Variants in OSBPL2 observed in about 807,000 individuals in gnomAD.
The protein encoded by OSBPL2 is oxysterol binding protein like 2.
OSBPL2 carries 18 observed loss-of-function variants against 58.4 expected under a neutral mutation model. That is an observed-to-expected ratio of 0.31 (90% confidence interval 0.21 to 0.46). The LOEUF (loss-of-function observed/expected upper bound fraction) is 0.46, where lower values mean the gene tolerates loss of function less well. OSBPL2 is among the 20% of genes least tolerant of loss of function. The pLI is 1.00. For missense variants in OSBPL2, 461 were observed against 616.5 expected, an observed-to-expected ratio of 0.75 and a Z score of 2.67; for synonymous variants, 221 against 234.1, an observed-to-expected ratio of 0.94 and a Z score of 0.51.
At position 62,296,081 on chromosome 20, in the gene OSBPL2, T is replaced by TA. The variant is rs961524719; in HGVS notation, c.*2195dup. On this transcript the variant is annotated 3_prime_UTR_variant, in exon 14 of 14. Transcript: ENST00000313733. ...ATTTTAACTTTTTACTACTTTTTGT[T>TA]ACTGTTTCTGCAAATGCTAACACAT... 2 of 152,268 alleles carry TA rather than the reference T, an allele frequency of 1.3e-5. No individual in the cohort carries two copies. Among genetic ancestry groups the TA allele is most frequent in the African/African-American group, 4.8e-5 (2 of 41,472 alleles). The allele number at this position is 152,268 out of a possible 1,614,324, so 9.4% of individuals were successfully genotyped here.
chr20:62,281,688 C>A (rs758066298), intron 8 of OSBPL2, 102 bp from the exon 9 acceptor site: 5 of 806,290 alleles, frequency 6.2e-6, no homozygotes, highest in Non-Finnish European at 1.1e-5. Context: ...AGTCACCCCC[C>A]GCCTGCCCCA....
chr20:62,281,710 C>T (rs184867838), intron 8 of OSBPL2, 80 bp from the exon 9 acceptor site: 71 of 1,059,476 alleles, frequency 6.7e-5, no homozygotes, highest in East Asian at 1.2e-4. Context: ...GGGCCTCCAC[C>T]GCGCTTCTCC....
At chr20:62,260,192 T>C in intron 3 of OSBPL2, 67 bp downstream of exon 3, 1 of 1,480,456 alleles carries the variant, frequency 6.8e-7, no homozygotes, top group Non-Finnish European at 9.3e-7. Context: ...CTCTGCAGGG[T>C]ACCCCTCAGC....
rs1197026074 is a variant in OSBPL2, at chr20:62,269,800, C to T, written c.259-2325C>T. On this transcript the variant is annotated intron_variant, in intron 4 of 13. Transcript: ENST00000313733. This position sits in a 1 kb window ranked among gnomAD's most constrained non-coding sequence, Gnocchi z 4.2. ...AGCTCTGATCACAAGGGTCACCTCT[C>T]TTCCTGCTTTCCTCGGCAGCCACAT... 6.6e-6 allele frequency among the ~76,000 whole-genome samples: 1 copy of T among 152,266 alleles called. No homozygotes were observed. Among genetic ancestry groups the T allele is most frequent in the African/African-American group, 2.4e-5 (1 of 41,468 alleles).
chr20:62,291,661 C>G (rs369432454), intron 12 of OSBPL2, 42 bp from the exon 13 acceptor site: 22 of 1,569,560 alleles, frequency 1.4e-5, no homozygotes, highest in Non-Finnish European at 1.8e-5. Context: ...GGGTGCGGTT[C>G]TAAGGTCTCT....
intron 3 of OSBPL2, among the ~76,000 whole-genome samples, chr20:62,260,894 TC>T (rs1601165793): frequency 1.3e-5 from 2 of 151,360 alleles, no homozygotes; most frequent in East Asian, 3.9e-4. Flanking sequence ...GGAGGCTGAG[TC>T]AGGAGGATCC....
intron 7 of OSBPL2, among the ~76,000 whole-genome samples, chr20:62,280,667 G>A (rs2282215): frequency 0.4 from 60,748 of 152,062 alleles, 13,018 homozygotes; most frequent in East Asian, 0.53. Flanking sequence ...TGAAAACCCT[G>A]CACCCCTCCA....
At chr20:62,283,840 C>T (rs1010161281) in intron 9 of OSBPL2, among the ~76,000 whole-genome samples, 5 of 152,060 alleles carry the variant, frequency 3.3e-5, no homozygotes, top group Non-Finnish European at 5.9e-5. Flanking sequence ...TTTAGGTTTC[C>T]GGCCCTTCAT....
chr20:62,272,619 G>T (rs1369205620), intron 5 of OSBPL2, among the ~76,000 whole-genome samples: 4 of 152,124 alleles, frequency 2.6e-5, no homozygotes, highest in Admixed American at 1.3e-4. Flanking sequence ...TGTGGGCTGG[G>T]CACGCACGGT....
At chr20:62,271,257 C>T (rs1475412872) in intron 4 of OSBPL2, among the ~76,000 whole-genome samples, 2 of 8,164 alleles carry the variant, frequency 2.4e-4, no homozygotes, top group Non-Finnish European at 1.3e-3. Flanking sequence ...CTAAGCCATG[C>T]GCCCTGCCGT....
At chr20:62,283,712 C>T (rs1037780849) in intron 9 of OSBPL2, among the ~76,000 whole-genome samples, 1 of 152,032 alleles carries the variant, frequency 6.6e-6, no homozygotes, top group East Asian at 1.9e-4. Flanking sequence ...CCTGCAGCCC[C>T]CTGGACCAAC....
intron 1 of OSBPL2, among the ~76,000 whole-genome samples, 188 bp downstream of exon 1, chr20:62,238,785 C>T (rs1034626569): frequency 1.3e-5 from 2 of 151,680 alleles, no homozygotes; most frequent in Non-Finnish European, 2.9e-5. Context: ...CGCGCCCGGC[C>T]TAGGCCGCAG....
Position 62,269,148 on chromosome 20 carries a change from C to T in OSBPL2, c.259-2977C>T, listed in dbSNP as rs137969648. Among the ~76,000 whole-genome samples the T allele has an allele frequency of 1.4e-4, 21 of 152,320 alleles. No individual in the cohort carries two copies. In the East Asian group the frequency reaches 2.7e-3, roughly 20 times the overall value. ...ACTCCTGGCCTTAAGTGATCCTCCC[C>T]GCCTTGGCCCTGCAAAGTGTTGGAA... On this transcript the variant is annotated intron_variant, in intron 4 of 13. Transcript: ENST00000313733. The surrounding 1 kb of genome is among the most constrained non-coding windows in gnomAD (Gnocchi z 4.2).
intron 2 of OSBPL2, 127 bp downstream of exon 2, chr20:62,256,348 C>A: frequency 2.6e-6 from 2 of 756,740 alleles, no homozygotes; most frequent in Non-Finnish European, 4.3e-6. Context: ...CGTTCACGAT[C>A]CCAAACACGG....
intron 2 of OSBPL2, 79 bp downstream of exon 2, chr20:62,256,300 G>A (rs1980919518): frequency 7.4e-7 from 1 of 1,355,322 alleles, no homozygotes; most frequent in Admixed American, 1.8e-5. Flanking sequence ...CTGGCGTTTG[G>A]GGTGTAAAGA....
Position 62,271,647 on chromosome 20 carries a change from T to G in OSBPL2, c.259-478T>G, listed in dbSNP as rs145423974. The G allele has an allele frequency of 4.6e-3, 723 of 158,424 alleles. 7 individuals are homozygous for G. Among genetic ancestry groups the G allele is most frequent in the Middle Eastern group, 0.019 (6 of 318 alleles). The allele number at this position is 158,424 out of a possible 1,614,324, so 9.8% of individuals were successfully genotyped here. The stretch of plus-strand genomic sequence containing the variant: ...TTGAATTTTTAGTATAGACAGGGTT[T>G]CGCTGTGTTGGCCAGACTGGTCTTG... On this transcript the variant is annotated intron_variant, in intron 4 of 13. Coordinates refer to ENST00000313733, the MANE Select transcript of OSBPL2 (RefSeq NM_144498.4).
intron 1 of OSBPL2, among the ~76,000 whole-genome samples, chr20:62,248,554 C>T (rs1157789288): frequency 6.6e-6 from 1 of 152,126 alleles, no homozygotes; most frequent in African/African-American, 2.4e-5. Flanking sequence ...TCCGGGGTGC[C>T]CTGCCTGTTT....
chr20:62,269,962 G>A lies in OSBPL2; in HGVS notation c.259-2163G>A, dbSNP rs1312779939. 6.6e-6 allele frequency among the ~76,000 whole-genome samples: 1 copy of A among 152,238 alleles called. No homozygotes were observed. The highest frequency in any genetic ancestry group is 2.4e-5 in the African/African-American group (1 of 41,470). ...GCTCGCCCCTGCAGCAGCCTGAGCC[G>A]CAGGCTCTGTGCGTCTGCCCTGTGC... On this transcript the variant is annotated intron_variant, in intron 4 of 13. Coordinates refer to ENST00000313733, the MANE Select transcript of OSBPL2 (RefSeq NM_144498.4). This position sits in a 1 kb window ranked among gnomAD's most constrained non-coding sequence, Gnocchi z 4.2.
chr20:62,286,945 G>A (rs1327809515), intron 11 of OSBPL2, among the ~76,000 whole-genome samples: 4 of 152,260 alleles, frequency 2.6e-5, no homozygotes, highest in African/African-American at 9.6e-5. Context: ...GCTGGGCACC[G>A]CTGCTCCATA....
Sources: gnomAD v4.1 joint callset for allele counts (sites outside exome capture counted in the v4.1 genomes callset) on GRCh38, gnomAD v4.1.1 for gene constraint, Gnocchi (gnomAD v3.1) non-coding constraint, MANE v1.5 for transcripts, NCBI Gene and HGNC (gene_info 2026-07-23, HGNC 2026-07-21) for gene names.